The following ATP2C2 variants were observed in gnomAD, a reference collection of about 807,000 sequenced individuals.
ATP2C2 encodes the protein ATPase secretory pathway Ca2+ transporting 2.
ATP2C2 carries 171 observed loss-of-function variants against 110.8 expected under a neutral mutation model. The ratio of observed to expected loss-of-function variants is 1.54; its 90% CI spans 1.36 to 1.75. The LOEUF is 1.75. Ranked by LOEUF, ATP2C2 falls within the 40% of genes most tolerant of loss-of-function variation. The pLI is 0.00. For missense variants in ATP2C2, 1,963 were observed against 1,235.0 expected, an observed-to-expected ratio of 1.59 and a Z score of -8.84; for synonymous variants, 804 against 508.4, an observed-to-expected ratio of 1.58 and a Z score of -7.82.
At position 84,410,778 on chromosome 16, in the gene ATP2C2, C is replaced by G; in HGVS notation, c.515+13C>G. The G allele has an allele frequency of 1.2e-6, 2 of 1,612,678 alleles. No homozygotes were observed. Among genetic ancestry groups the G allele is most frequent in the South Asian group, 1.1e-5 (1 of 91,046 alleles). ...CAGAATGTAACTGGTAAGTCAGAGC[C>G]TCCCTGGGACTTTTTGGTTCACTGG... is the stretch of plus-strand genomic sequence containing the variant. On this transcript the variant is annotated intron_variant, in intron 6 of 26. Coordinates refer to ENST00000262429, the MANE Select transcript of ATP2C2 (RefSeq NM_014861.4).
intron 2 of ATP2C2, chr16:84,404,727 G>C (rs1027478720): frequency 2.8e-6 from 1 of 354,216 alleles, no homozygotes. Flanking sequence ...GGAATTGCTG[G>C]ATCTGGTAGC....
intron 11 of ATP2C2, among the ~76,000 whole-genome samples, chr16:84,428,717 T>C: frequency 6.6e-6 from 1 of 152,186 alleles, no homozygotes; most frequent in Non-Finnish European, 1.5e-5. Context: ...AAAAAAATCC[T>C]GTAATGAGAC....
intron 2 of ATP2C2, among the ~76,000 whole-genome samples, chr16:84,399,792 T>C (rs1268213030): frequency 6.6e-6 from 1 of 152,206 alleles, no homozygotes; most frequent in East Asian, 1.9e-4. Context: ...TTGAGTTATT[T>C]TAAAATGTAC....
At chr16:84,454,391 T>C (rs929819770) in intron 20 of ATP2C2, among the ~76,000 whole-genome samples, 9 of 152,214 alleles carry the variant, frequency 5.9e-5, no homozygotes, top group African/African-American at 1.7e-4. Flanking sequence ...CTTTCTTCTT[T>C]CATGTTATTT....
chr16:84,426,109 C>G (rs1907793145), intron 11 of ATP2C2: 1 of 345,442 alleles, frequency 2.9e-6, no homozygotes, highest in Non-Finnish European at 5.5e-6. Context: ...TTTAATTGGC[C>G]TATGGTTCTA....
At chr16:84,410,318 G>T (rs1019790053) in intron 4 of ATP2C2, among the ~76,000 whole-genome samples, 3 of 152,056 alleles carry the variant, frequency 2.0e-5, no homozygotes, top group Non-Finnish European at 2.9e-5. Context: ...TATAAGATGC[G>T]GTGCCTTAAG....
At chr16:84,380,946 C>T (rs13330974) in intron 1 of ATP2C2, among the ~76,000 whole-genome samples, 18,826 of 152,044 alleles carry the variant, frequency 0.12, 1,257 homozygotes, top group African/African-American at 0.16. Context: ...TTTGAGAGGC[C>T]GAGGCGGGCG....
intron 11 of ATP2C2, among the ~76,000 whole-genome samples, chr16:84,429,866 C>G (rs1040473518): frequency 3.9e-5 from 6 of 152,092 alleles, no homozygotes; most frequent in Non-Finnish European, 7.4e-5. Context: ...AGTCCGAGGT[C>G]CAGGTGTGGC....
At chr16:84,399,900 C>T (rs1448414089) in intron 2 of ATP2C2, among the ~76,000 whole-genome samples, 1 of 152,296 alleles carries the variant, frequency 6.6e-6, no homozygotes. Flanking sequence ...ATAGCCCTCT[C>T]CACTTTCTCC....
chr16:84,462,790 G>C (rs1185560620), intron 26 of ATP2C2: 1 of 152,910 alleles, frequency 6.5e-6, no homozygotes, highest in East Asian at 1.9e-4. Context: ...GAGGACGAGG[G>C]AGGCCAGTGA....
rs549613510 is a variant in ATP2C2, at chr16:84,459,806, T to A, written c.2333+420T>A. On this transcript the variant is annotated intron_variant, in intron 23 of 26. Coordinates refer to ENST00000262429, the MANE Select transcript of ATP2C2 (RefSeq NM_014861.4). ...TCCTTATGGATCTGATTGTGATCTG[T>A]CTCCCCTTTAGAACATCAGTTTCAT... The A allele has an allele frequency of 1.2e-3, 588 of 508,796 alleles. 4 individuals are homozygous for A. The highest frequency in any genetic ancestry group is 0.01 in the African/African-American group (540 of 51,930). The allele number at this position is 508,796 out of a possible 1,614,324, so 31.5% of individuals were successfully genotyped here.
At position 84,422,442 on chromosome 16, in the gene ATP2C2, G is replaced by A; in HGVS notation, c.677G>A (p.Cys226Tyr). Residue 226 changes from cysteine (C) to tyrosine (Y), a missense_variant, in exon 8 of 27, where the codon TGT becomes TAT. Transcript: ENST00000262429. ...ESSFTGEAEP[C>Y]SKTDSPLTGG... ...AGTTTCACCGGGGAAGCCGAGCCATGTAGTAAAACAGACAGCCCCTTGACA... is the reference window on the plus strand; with the variant it reads ...AGTTTCACCGGGGAAGCCGAGCCATATAGTAAAACAGACAGCCCCTTGACA... 1.9e-6 allele frequency: 3 copies of A among 1,614,178 alleles called. No individual in the cohort carries two copies. The highest frequency in any genetic ancestry group is 2.5e-6 in the Non-Finnish European group (3 of 1,180,038).
chr16:84,405,389 C>G (rs1406882031), intron 3 of ATP2C2, 145 bp downstream of exon 3: 10 of 695,842 alleles, frequency 1.4e-5, no homozygotes, highest in Non-Finnish European at 2.4e-5. Flanking sequence ...GAGCATCAGT[C>G]ATGAGCAAAT....
At chr16:84,459,414 T>G (rs986999419) in intron 23 of ATP2C2, 28 bp downstream of exon 23, 3 of 1,609,872 alleles carry the variant, frequency 1.9e-6, no homozygotes, top group Non-Finnish European at 2.6e-6. Context: ...GGGAGCCCTG[T>G]GTCTCTTTAC....
chr16:84,372,183 A>C (rs1909992130), intron 1 of ATP2C2, among the ~76,000 whole-genome samples: 1 of 152,096 alleles, frequency 6.6e-6, no homozygotes, highest in Non-Finnish European at 1.5e-5. Flanking sequence ...GAAGGGTTTT[A>C]AGTCAGGACA....
intron 26 of ATP2C2, 57 bp from the exon 27 acceptor site, chr16:84,463,557 G>T: frequency 5.4e-6 from 8 of 1,479,212 alleles, no homozygotes; most frequent in Non-Finnish European, 7.6e-6. Context: ...GGCGCTTCCT[G>T]CCGGCGCAAC....
At position 84,437,551 on chromosome 16, in the gene ATP2C2, CTG is replaced by C. The variant is rs112418934; in HGVS notation, c.987-1613_987-1612del. 4.6e-3 allele frequency among the ~76,000 whole-genome samples: 702 copies of C among 152,272 alleles called. 6 individuals are homozygous for C. Among genetic ancestry groups the C allele is most frequent in the African/African-American group, 0.016 (672 of 41,544 alleles). ...TTTTCTTTTGAGATGGAGTCTCACT[CTG>C]TCACCAGGCTGGAGCGCAGTGGCGC... On this transcript the variant is annotated intron_variant, in intron 11 of 26. Coordinates refer to ENST00000262429, the MANE Select transcript of ATP2C2 (RefSeq NM_014861.4).
chr16:84,439,256 C>A lies in ATP2C2; in HGVS notation c.1077C>A (p.Val359=). Residue 359 remains valine, a synonymous_variant, in exon 12 of 27, where the codon GTC becomes GTA. Coordinates refer to ENST00000262429, the MANE Select transcript of ATP2C2 (RefSeq NM_014861.4). ...TGCTGCGGATGGCCAAGAAGCGGGT[C>A]ATCGTGAAGAAGTTACCCATCGTGG... is the stretch of plus-strand genomic sequence containing the variant. ...LGVLRMAKKR[V]IVKKLPIVET... is the part of the protein sequence containing the mutation. The A allele has an allele frequency of 1.2e-6, 2 of 1,612,478 alleles. No homozygotes were observed. Among genetic ancestry groups the A allele is most frequent in the South Asian group, 2.2e-5 (2 of 90,960 alleles).
At chr16:84,413,322 G>A (rs996788153) in intron 6 of ATP2C2, among the ~76,000 whole-genome samples, 14 of 152,106 alleles carry the variant, frequency 9.2e-5, no homozygotes, top group Admixed American at 7.2e-4. Context: ...ACGGTCCCGC[G>A]TCTCAAAGAG....
Sources: allele counts gnomAD v4.1 joint callset (sites outside exome capture counted in the v4.1 genomes callset), GRCh38; gene constraint gnomAD v4.1.1; transcripts MANE v1.5; gene names NCBI Gene and HGNC (gene_info 2026-07-23, HGNC 2026-07-21).